The following NCKAP5 variants were observed in gnomAD, a reference collection of about 807,000 sequenced individuals.
The protein encoded by NCKAP5 is nck-associated protein 5.
In NCKAP5, 92 loss-of-function variants were observed where a neutral mutation model predicts 167.0. That is an observed-to-expected ratio of 0.55 (90% CI 0.47 to 0.66). The LOEUF (loss-of-function observed/expected upper bound fraction) is 0.66, where lower values mean the gene tolerates loss of function less well. NCKAP5 is among the 30% of genes least tolerant of loss of function. The probability of loss-of-function intolerance (pLI) is 0.00; values close to 1 mark genes in which losing one functional copy is unlikely to be tolerated. For missense variants in NCKAP5, 2,378 were observed against 2,315.0 expected (o/e 1.03, Z -0.56); for synonymous variants, 891 against 877.4 (o/e 1.02, Z -0.27).
chr2:133,360,513 G>A (rs1425788992), intron 3 of NCKAP5, among the ~76,000 whole-genome samples: 2 of 152,164 alleles, frequency 1.3e-5, no homozygotes, highest in Non-Finnish European at 2.9e-5. Context: ...TGCTCTGGAA[G>A]AGGAAGATCA....
Position 132,782,634 on chromosome 2 carries a change from G to T in NCKAP5, c.4177C>A (p.Gln1393Lys). The change falls in exon 14 of 20, where the codon CAG (glutamine) becomes AAG (lysine). Residue 1393 changes from glutamine to lysine, a missense_variant. Physicochemically the swap from Gln to Lys is moderately conservative, Grantham distance 53. Around this residue, in one of 3 missense-constraint regions of NCKAP5, gnomAD observed 1,325 missense variants for 1,274.5 expected, o/e 1.04. Coordinates refer to ENST00000409261, the MANE Select transcript of NCKAP5 (RefSeq NM_207363.3). ...ACATTGGCACTGGGGCACTCTCCCT[G>T]GGTGAAGGCCTGCTGGTCTTCCTTT... Reference protein sequence around the residue: ...PGKEDQQAFTQGECPSANVAV... With the variant: ...PGKEDQQAFTKGECPSANVAV... 1 of 1,605,820 alleles carries T rather than the reference G, an allele frequency of 6.2e-7. No homozygotes were observed. The highest frequency in any genetic ancestry group is 1.1e-5 in the South Asian group (1 of 89,396).
intron 3 of NCKAP5, among the ~76,000 whole-genome samples, chr2:133,486,517 C>T (rs1418214884): frequency 6.6e-6 from 1 of 152,304 alleles, no homozygotes; most frequent in Admixed American, 6.5e-5. Flanking sequence ...CCCTCCTATA[C>T]CTACCTGTGA....
chr2:133,338,660 G>T (rs1683373033), intron 3 of NCKAP5, among the ~76,000 whole-genome samples: 1 of 152,122 alleles, frequency 6.6e-6, no homozygotes, highest in African/African-American at 2.4e-5. Context: ...AGTCCGAAAA[G>T]ATTTATTTTC....
chr2:132,999,674 T>G (rs1304607060), intron 6 of NCKAP5, among the ~76,000 whole-genome samples: 1 of 152,182 alleles, frequency 6.6e-6, no homozygotes, highest in Admixed American at 6.6e-5. Flanking sequence ...AAAATATGGC[T>G]CCAAGCTACA....
intron 7 of NCKAP5, among the ~76,000 whole-genome samples, chr2:132,972,398 G>T (rs1262945511): frequency 6.6e-6 from 1 of 152,110 alleles, no homozygotes; most frequent in Non-Finnish European, 1.5e-5. Context: ...AACAATGAAG[G>T]GAAACATGTC....
intron 6 of NCKAP5, among the ~76,000 whole-genome samples, chr2:133,080,667 C>T (rs1346991765): frequency 6.6e-6 from 1 of 152,154 alleles, no homozygotes; most frequent in Non-Finnish European, 1.5e-5. Flanking sequence ...ACTAACACTA[C>T]ACCATAATAA....
chr2:133,261,085 A>C (rs1025706497), intron 4 of NCKAP5, among the ~76,000 whole-genome samples: 1 of 152,238 alleles, frequency 6.6e-6, no homozygotes, highest in Non-Finnish European at 1.5e-5. Flanking sequence ...TGCAATGAAA[A>C]TGAGCAAAGA....
chr2:133,590,441 G>A, the NCKAP5 span, among the ~76,000 whole-genome samples: 6 of 151,368 alleles, frequency 4.0e-5, no homozygotes, highest in Admixed American at 2.0e-4. Flanking sequence ...GGAGAATGGC[G>A]TGAACCCGGG....
Position 132,863,648 on chromosome 2 carries a change from C to A in NCKAP5, c.688-3037G>T, listed in dbSNP as rs116719006. ...TTGGCACATCCAGCTCAGCACACAG[C>A]AGCAGGGAAGACAGAGGCTTTAGGG... is the stretch of plus-strand genomic sequence containing the variant. On this transcript the variant is annotated intron_variant, in intron 10 of 19. Coordinates refer to ENST00000409261, the MANE Select transcript of NCKAP5 (RefSeq NM_207363.3). Among the ~76,000 whole-genome samples, 1,271 of 152,256 alleles carry A rather than the reference C, an allele frequency of 8.3e-3. 15 individuals are homozygous for A. Among genetic ancestry groups the A allele is most frequent in the African/African-American group, 0.028 (1,178 of 41,548 alleles).
chr2:132,897,261 G>T (rs1330643454), intron 8 of NCKAP5, among the ~76,000 whole-genome samples: 1 of 152,194 alleles, frequency 6.6e-6, no homozygotes, highest in Non-Finnish European at 1.5e-5. Flanking sequence ...CTGTTGAGCA[G>T]AGAGAAGCAT....
chr2:133,177,902 G>A (rs1175445987), intron 5 of NCKAP5, among the ~76,000 whole-genome samples: 1 of 152,190 alleles, frequency 6.6e-6, no homozygotes, highest in African/African-American at 2.4e-5. Context: ...GAGGCCTGGT[G>A]GAGAGGCAGG....
At chr2:133,382,160 G>T (rs866962989) in intron 3 of NCKAP5, among the ~76,000 whole-genome samples, 1 of 152,080 alleles carries the variant, frequency 6.6e-6, no homozygotes, top group African/African-American at 2.4e-5. Context: ...CTTGTCTCCC[G>T]CCTCTTCCTC....
chr2:133,268,411 C>G (rs1429751937), intron 4 of NCKAP5: 1 of 151,500 alleles, frequency 6.6e-6, no homozygotes, highest in Non-Finnish European at 1.5e-5. Flanking sequence ...CAAAGTGGAG[C>G]TCAAGTGTTA....
chr2:132,806,285 T>C (rs183922700), intron 11 of NCKAP5, among the ~76,000 whole-genome samples: 234 of 152,330 alleles, frequency 1.5e-3, no homozygotes, highest in Admixed American at 3.8e-3. Flanking sequence ...TCTGGGTAGA[T>C]ACCCAGTAGT....
chr2:133,666,721 A>C, the NCKAP5 span, among the ~76,000 whole-genome samples: 2 of 151,994 alleles, frequency 1.3e-5, no homozygotes, highest in Non-Finnish European at 2.9e-5. Context: ...ATAGATGATA[A>C]TGGAATCGAT....
chr2:133,192,411 C>A (rs1048091228), intron 5 of NCKAP5, among the ~76,000 whole-genome samples: 1 of 152,028 alleles, frequency 6.6e-6, no homozygotes, highest in East Asian at 1.9e-4. Context: ...ACCTGGGCAT[C>A]ATCGAAATGA....
At chr2:133,504,810 TTCTC>T (rs1472842236) in intron 3 of NCKAP5, among the ~76,000 whole-genome samples, 1 of 152,138 alleles carries the variant, frequency 6.6e-6, no homozygotes, top group Non-Finnish European at 1.5e-5. Flanking sequence ...TCCTCTTTCC[TTCTC>T]TCTATGTAGT....
At chr2:132,763,370 G>A (rs188531577) in intron 16 of NCKAP5, among the ~76,000 whole-genome samples, 22 of 152,134 alleles carry the variant, frequency 1.4e-4, no homozygotes, top group African/African-American at 4.3e-4. Context: ...TGTGCCATGC[G>A]CCTTCCAATC....
chr2:132,882,248 T>C (rs1691813458), intron 8 of NCKAP5, among the ~76,000 whole-genome samples: 1 of 152,186 alleles, frequency 6.6e-6, no homozygotes, highest in African/African-American at 2.4e-5. Flanking sequence ...ACTTGGGGAA[T>C]GATAATTGGG....
Sources: gnomAD v4.1 joint callset for allele counts (sites outside exome capture counted in the v4.1 genomes callset) on GRCh38, gnomAD v4.1.1 for gene constraint, gnomAD v4.1.1 regional missense constraint, MANE v1.5 for transcripts, NCBI Gene and HGNC (gene_info 2026-07-23, HGNC 2026-07-21) for gene names.